CLRN1: variants seen among roughly 807,000 people sequenced by gnomAD.
CLRN1 encodes the protein clarin-1.
CLRN1 carries 15 observed loss-of-function variants against 18.7 expected under a neutral mutation model. The ratio of observed to expected loss-of-function variants is 0.80; its 90% CI spans 0.54 to 1.23. The LOEUF is 1.23. Ranked by LOEUF, CLRN1 falls within the 50% of genes most tolerant of loss-of-function variation. The pLI is 0.00. For missense variants in CLRN1, 311 were observed against 277.5 expected, an observed-to-expected ratio of 1.12 and a Z score of -0.86; for synonymous variants, 104 against 102.9, an observed-to-expected ratio of 1.01 and a Z score of -0.07.
intron 2 of CLRN1, among the ~76,000 whole-genome samples, chr3:150,934,932 G>A (rs1244416399): frequency 6.6e-6 from 1 of 151,996 alleles, no homozygotes; most frequent in East Asian, 1.9e-4. Flanking sequence ...TATTACAGGA[G>A]GCCACCTTTA....
rs142185813 is a variant in CLRN1, at chr3:150,943,947, G to A, written c.254-2186C>T. On this transcript the variant is annotated intron_variant, in intron 1 of 2. Coordinates refer to ENST00000327047, the MANE Select transcript of CLRN1 (RefSeq NM_174878.3). ...GTTGAGCAGGGCAGGCTGAGTAAAT[G>A]GGGTACCCCTGTTGGGAGTCCCATG... 2,794 of 1,592,070 alleles carry A rather than the reference G, an allele frequency of 1.8e-3. 2 individuals carry two copies. Among genetic ancestry groups the A allele is most frequent in the Non-Finnish European group, 2.1e-3 (2,455 of 1,166,456 alleles).
Position 150,941,666 on chromosome 3 carries a change from C to T in CLRN1, c.349G>A (p.Ala117Thr), listed in dbSNP as rs1484791801. 9.3e-6 allele frequency: 15 copies of T among 1,613,920 alleles called. No individual in the cohort carries two copies. Among genetic ancestry groups the T allele is most frequent in the Non-Finnish European group, 1.3e-5 (15 of 1,179,950 alleles). ...CCAAAAGCATTGTACATGAAGAAGG[C>T]TGTCCCCACCATGGTTAACACAATA... is the stretch of plus-strand genomic sequence containing the variant. The part of the protein sequence containing the change: ...ILIVLTMVGT[A>T]FFMYNAFGKP... Residue 117 changes from alanine (A) to threonine (T), a missense_variant, in exon 2 of 3, where the codon GCC becomes ACC. Coordinates refer to ENST00000327047, the MANE Select transcript of CLRN1 (RefSeq NM_174878.3).
chr3:150,964,999 T>C (rs904569540), intron 1 of CLRN1, among the ~76,000 whole-genome samples: 3 of 152,122 alleles, frequency 2.0e-5, no homozygotes, highest in Non-Finnish European at 2.9e-5. Flanking sequence ...TGTATACCTA[T>C]GTAACAAACC....
intron 1 of CLRN1, among the ~76,000 whole-genome samples, chr3:150,968,059 C>T (rs149107086): frequency 1.9e-4 from 29 of 152,254 alleles, no homozygotes; most frequent in African/African-American, 6.0e-4. Context: ...AGCTGTGATA[C>T]ATGATTGGTT....
chr3:150,944,994 A>T (rs1404995484), intron 1 of CLRN1, among the ~76,000 whole-genome samples: 1 of 152,198 alleles, frequency 6.6e-6, no homozygotes. Flanking sequence ...CTGGGGTGTT[A>T]AAGAGGACTG....
chr3:150,972,378 T>C lies in CLRN1; in HGVS notation c.253+78A>G, dbSNP rs1043733299. On this transcript the variant is annotated intron_variant, in intron 1 of 2. Transcript: ENST00000327047. The stretch of plus-strand genomic sequence containing the variant: ...AAGTCCTGCAGTAAACACGGCAAAA[T>C]TCTCAAATATAATTCCTCGCAACAC... The C allele has an allele frequency of 2.6e-5, 41 of 1,603,470 alleles. No individual in the cohort carries two copies. In the East Asian group the frequency reaches 8.5e-4, roughly 33 times the overall value.
At chr3:150,930,220 GA>G (rs1162934700) in intron 2 of CLRN1, among the ~76,000 whole-genome samples, 3 of 152,142 alleles carry the variant, frequency 2.0e-5, no homozygotes, top group African/African-American at 7.2e-5. Flanking sequence ...GGAGCTATAG[GA>G]AAAGTTAGCT....
At chr3:150,950,525 G>A (rs1279676813) in intron 1 of CLRN1, among the ~76,000 whole-genome samples, 3 of 152,102 alleles carry the variant, frequency 2.0e-5, no homozygotes, top group Non-Finnish European at 2.9e-5. Flanking sequence ...AAAAGAAGAT[G>A]TACCTGCAGC....
intron 2 of CLRN1, among the ~76,000 whole-genome samples, chr3:150,939,570 G>A (rs1713688768): frequency 6.6e-6 from 1 of 152,114 alleles, no homozygotes; most frequent in Admixed American, 6.6e-5. Context: ...AATACAGATG[G>A]CCATCTTCCC....
chr3:150,944,558 A>T (rs1197675461), intron 1 of CLRN1, among the ~76,000 whole-genome samples: 1 of 18,528 alleles, frequency 5.4e-5, no homozygotes, highest in African/African-American at 1.5e-4. Context: ...GACTTGTTTA[A>T]AAAAAAAAAA....
chr3:150,955,652 C>T (rs1246678696), intron 1 of CLRN1, among the ~76,000 whole-genome samples: 1 of 152,050 alleles, frequency 6.6e-6, no homozygotes, highest in Non-Finnish European at 1.5e-5. Flanking sequence ...GAAACTGACT[C>T]CTGTTTAATA....
rs1305777492 is a variant in CLRN1 at position 150,927,291 on chromosome 3, A to T, written c.*645T>A. Reference sequence around the variant, plus strand: ...AAAGCCTATATTTTATATTTATTTTATTTTTTAATTTTGTTAGTGACAGGG... The same window carrying T: ...AAAGCCTATATTTTATATTTATTTTTTTTTTTAATTTTGTTAGTGACAGGG... On this transcript the variant is annotated 3_prime_UTR_variant, in exon 3 of 3. Transcript: ENST00000327047. 7.9e-6 allele frequency: 3 copies of T among 380,678 alleles called. No homozygotes were observed. The highest frequency in any genetic ancestry group is 1.5e-5 in the Non-Finnish European group (3 of 199,660). 23.6% of individuals were successfully genotyped at this position (380,678 alleles called of 1,614,324 possible). A position where few individuals can be genotyped will look rare whatever the true frequency, so the allele number is the denominator to read the frequency against.
At position 150,941,747 on chromosome 3, in the gene CLRN1, G is replaced by A; in HGVS notation, c.268C>T (p.Leu90Phe). Residue 90 changes from leucine (L) to phenylalanine (F), a missense_variant, in exon 2 of 3, where the codon CTC becomes TTC. Leu to Phe is a conservative substitution (Grantham distance 22, BLOSUM62 0). Coordinates refer to ENST00000327047, the MANE Select transcript of CLRN1 (RefSeq NM_174878.3). ...PFRFSFFPDLLKAIPVSIHVN... is the reference protein window; with the variant it reads ...PFRFSFFPDLFKAIPVSIHVN... ...TGGATGCTCACTGGGATTGCTTTGA[G>A]CAAATCTGGAAAAACTGAAGATAAG... is the stretch of plus-strand genomic sequence containing the variant. 6.2e-7 allele frequency: 1 copy of A among 1,613,944 alleles called. No homozygotes were observed. The highest frequency in any genetic ancestry group is 1.1e-5 in the South Asian group (1 of 91,058).
intron 1 of CLRN1, among the ~76,000 whole-genome samples, chr3:150,963,680 G>C (rs1263420297): frequency 1.3e-5 from 2 of 152,162 alleles, no homozygotes; most frequent in African/African-American, 4.8e-5. Flanking sequence ...CAAGTCTACA[G>C]TAACCAAAAC....
intron 2 of CLRN1, chr3:150,941,320 A>G (rs1434588454): frequency 2.8e-6 from 1 of 354,248 alleles, no homozygotes; most frequent in African/African-American, 2.1e-5. Flanking sequence ...TTTTTGAGAC[A>G]AGCGTTTATC....
In CLRN1 at chr3:150,926,966, G is replaced by T; in HGVS notation, c.*970C>A. ...CAGAACAAGACCAAGATGATACAGT[G>T]ATACCGTCATAATCCCAGATTTAAT... On this transcript the variant is annotated 3_prime_UTR_variant, in exon 3 of 3. Transcript: ENST00000327047. The T allele has an allele frequency of 6.3e-7, 1 of 1,597,156 alleles. No homozygotes were observed. The highest frequency in any genetic ancestry group is 8.6e-7 in the Non-Finnish European group (1 of 1,167,076).
intron 1 of CLRN1, chr3:150,944,122 G>A (rs1471421378): frequency 4.0e-6 from 2 of 499,194 alleles, no homozygotes; most frequent in Admixed American, 3.1e-5. Flanking sequence ...ACACCTGAAT[G>A]TTGAGAAGGA....
At chr3:150,969,380 G>A (rs1301751657) in intron 1 of CLRN1, among the ~76,000 whole-genome samples, 1 of 129,162 alleles carries the variant, frequency 7.7e-6, no homozygotes, top group African/African-American at 3.0e-5. Context: ...AGGCTGGAGT[G>A]CAGTGGCGAG....
intron 2 of CLRN1, among the ~76,000 whole-genome samples, chr3:150,935,246 A>G (rs1160068845): frequency 6.7e-6 from 1 of 150,096 alleles, no homozygotes; most frequent in Non-Finnish European, 1.5e-5. Flanking sequence ...TGCACCCAAT[A>G]ACTCGTCATT....
Sources: gnomAD v4.1 joint callset for allele counts (sites outside exome capture counted in the v4.1 genomes callset) on GRCh38, gnomAD v4.1.1 for gene constraint, MANE v1.5 for transcripts, NCBI Gene and HGNC (gene_info 2026-07-23, HGNC 2026-07-21) for gene names.